Variants in PNPLA8 observed in about 807,000 individuals in gnomAD.
PNPLA8 encodes calcium-independent phospholipase A2-gamma.
Under a neutral mutation model 76.9 loss-of-function variants are expected in PNPLA8, and 39 were observed. The observed-to-expected ratio is 0.51, with a 90% CI of 0.39 to 0.66. The LOEUF is 0.66. Among genes scored for constraint, PNPLA8 ranks in the 30% least tolerant of loss-of-function variants. PNPLA8 has a pLI of 0.00. For synonymous variants in PNPLA8, 301 were observed against 307.9 expected (o/e 0.98, Z 0.24); for missense variants, 887 against 918.0 (o/e 0.97, Z 0.44).
At chr7:108,504,670 C>T (rs1862210836) in intron 4 of PNPLA8, among the ~76,000 whole-genome samples, 1 of 152,150 alleles carries the variant, frequency 6.6e-6, no homozygotes, top group Admixed American at 6.5e-5. Context: ...GCCATGCCAA[C>T]AACATTGAGA....
At chr7:108,510,258 A>T in intron 4 of PNPLA8, 1 of 1,545,490 alleles carries the variant, frequency 6.5e-7, no homozygotes, top group Non-Finnish European at 8.8e-7. Context: ...GAGAAGAAGA[A>T]GGTTCCTGCT....
At chr7:108,501,232 T>C (rs1861925655) in intron 5 of PNPLA8, among the ~76,000 whole-genome samples, 1 of 152,116 alleles carries the variant, frequency 6.6e-6, no homozygotes, top group Non-Finnish European at 1.5e-5. Context: ...GAGAACAAGC[T>C]AGAAGATTTT....
Position 108,514,386 on chromosome 7 carries a change from A to C in PNPLA8, c.1056+50T>G. 3 of 1,554,948 alleles carry C rather than the reference A, an allele frequency of 1.9e-6. No individual in the cohort carries two copies. The South Asian group carries it at 3.6e-5, about 19-fold the overall frequency. The stretch of plus-strand genomic sequence containing the variant: ...TAGTTCTCATTAGGAAATAAAACTT[A>C]TAAATTTGACAAAAAGTAATAGAAC... On this transcript the variant is annotated intron_variant, in intron 3 of 10. Transcript: ENST00000257694.
chr7:108,516,628 C>T (rs941612541), intron 2 of PNPLA8, among the ~76,000 whole-genome samples: 1 of 152,144 alleles, frequency 6.6e-6, no homozygotes, highest in Non-Finnish European at 1.5e-5. Context: ...TCTGGCCAGG[C>T]GTGGTGGCTC....
chr7:108,493,576 T>TG (rs1242093775), intron 7 of PNPLA8, among the ~76,000 whole-genome samples: 2 of 141,946 alleles, frequency 1.4e-5, no homozygotes, highest in Non-Finnish European at 3.1e-5. Flanking sequence ...GGCTTTTTTT[T>TG]TTTTTTTTTT....
At chr7:108,477,210 TTACACAAGG>T (rs1275979902) in intron 10 of PNPLA8, among the ~76,000 whole-genome samples, 1 of 152,198 alleles carries the variant, frequency 6.6e-6, no homozygotes, top group Non-Finnish European at 1.5e-5. Flanking sequence ...GTGGGAATCA[TTACACAAGG>T]TATACTTACA....
chr7:108,480,710 TA>T, intron 9 of PNPLA8: 1 of 423,528 alleles, frequency 2.4e-6, no homozygotes, highest in South Asian at 1.7e-5. Flanking sequence ...TACAACCTTG[TA>T]AAGCAGCTCA....
chr7:108,521,899 A>G (rs1312990055), intron 1 of PNPLA8, among the ~76,000 whole-genome samples: 1 of 152,214 alleles, frequency 6.6e-6, no homozygotes, highest in Non-Finnish European at 1.5e-5. Flanking sequence ...GGCATTCCAG[A>G]GTTAACCTGA....
Position 108,472,660 on chromosome 7 carries a change from A to C in PNPLA8, c.2090T>G (p.Leu697Arg), listed in dbSNP as rs752256786. 6.3e-7 allele frequency: 1 copy of C among 1,583,850 alleles called. No individual in the cohort carries two copies. The highest frequency in any genetic ancestry group is 8.5e-7 in the Non-Finnish European group (1 of 1,170,936). Residue 697 changes from leucine (L) to arginine (R), a missense_variant, in exon 11 of 11, where the codon CTT (leucine) becomes CGT (arginine). Coordinates refer to ENST00000257694, the MANE Select transcript of PNPLA8 (RefSeq NM_001256007.3). ...ATDTEEVHIM[L>R]DGLLPPDTYF... ...GGTGTCAGGAGGTAACAGGCCATCAAGCATTATATGGACTTCTGTTAAAGC... is the reference window on the plus strand; with the variant it reads ...GGTGTCAGGAGGTAACAGGCCATCACGCATTATATGGACTTCTGTTAAAGC...
intron 8 of PNPLA8, among the ~76,000 whole-genome samples, chr7:108,488,466 C>G (rs1019481424): frequency 6.6e-6 from 1 of 152,040 alleles, no homozygotes; most frequent in African/African-American, 2.4e-5. Flanking sequence ...TCCAGCTACT[C>G]GGGAGGCTGA....
intron 2 of PNPLA8, among the ~76,000 whole-genome samples, chr7:108,519,068 TAAAAAAAAAA>T (rs11363031): frequency 7.3e-6 from 1 of 137,732 alleles, no homozygotes; most frequent in South Asian, 2.3e-4. Context: ...GAGGGAAGTT[TAAAAAAAAAA>T]AAAAGAGGTT....
chr7:108,501,796 C>A (rs1389240998), intron 5 of PNPLA8, among the ~76,000 whole-genome samples: 1 of 151,992 alleles, frequency 6.6e-6, no homozygotes, highest in African/African-American at 2.4e-5. Flanking sequence ...TGCACTCCAG[C>A]CTGGGCGACA....
chr7:108,511,655 G>A (rs1300231899), intron 4 of PNPLA8, among the ~76,000 whole-genome samples: 3 of 152,150 alleles, frequency 2.0e-5, no homozygotes, highest in Admixed American at 6.6e-5. Flanking sequence ...GAAGGACTGC[G>A]TTATATTTTA....
intron 4 of PNPLA8, among the ~76,000 whole-genome samples, chr7:108,507,651 G>T (rs569498774): frequency 2.9e-4 from 44 of 151,906 alleles, no homozygotes; most frequent in African/African-American, 1.0e-3. Context: ...CCCAAAAAAA[G>T]AAAAAGAAAC....
chr7:108,479,609 G>C (rs1176001027), intron 9 of PNPLA8: 1 of 564,544 alleles, frequency 1.8e-6, no homozygotes, highest in Non-Finnish European at 3.2e-6. Context: ...TTCTTAAATT[G>C]CTTTGCATAT....
intron 8 of PNPLA8, among the ~76,000 whole-genome samples, chr7:108,489,102 T>C (rs992099047): frequency 2.0e-4 from 31 of 152,362 alleles, no homozygotes; most frequent in African/African-American, 7.5e-4. Flanking sequence ...GATGATTTAC[T>C]TCTTAAGATG....
chr7:108,491,489 T>C (rs1292234934), intron 7 of PNPLA8, 22 bp from the exon 8 acceptor site: 1 of 1,456,280 alleles, frequency 6.9e-7, no homozygotes, highest in South Asian at 1.1e-5. Context: ...GAGAAAAAAA[T>C]AAGTTATATC....
chr7:108,509,943 C>T (rs1174866636), intron 4 of PNPLA8, among the ~76,000 whole-genome samples: 2 of 141,152 alleles, frequency 1.4e-5, no homozygotes, highest in Admixed American at 7.2e-5. Flanking sequence ...AACCAAACAC[C>T]GCATATTCTC....
intron 10 of PNPLA8, among the ~76,000 whole-genome samples, chr7:108,476,637 A>G (rs994002549): frequency 6.6e-6 from 1 of 152,214 alleles, no homozygotes; most frequent in African/African-American, 2.4e-5. Flanking sequence ...CACTCCGGGT[A>G]TATGTCCGAA....
Sources: allele counts gnomAD v4.1 joint callset (sites outside exome capture counted in the v4.1 genomes callset), GRCh38; gene constraint gnomAD v4.1.1; transcripts MANE v1.5; gene names NCBI Gene and HGNC (gene_info 2026-07-23, HGNC 2026-07-21).